RUVBL1: variants seen among roughly 807,000 people sequenced by gnomAD.
The protein encoded by RUVBL1 is RuvB like AAA ATPase 1.
In RUVBL1, 4 loss-of-function variants were observed where a neutral mutation model predicts 52.4. The observed-to-expected ratio is 0.08, with a 90% CI of 0.04 to 0.17. RUVBL1 has a LOEUF of 0.17. RUVBL1 is among the 10% of genes least tolerant of loss of function. RUVBL1 has a pLI of 1.00. For synonymous variants in RUVBL1, 217 were observed against 214.4 expected, an observed-to-expected ratio of 1.01 and a Z score of -0.10; for missense variants, 298 against 572.8, an observed-to-expected ratio of 0.52 and a Z score of 4.90.
chr3:128,092,533 T>C (rs1355106743), intron 8 of RUVBL1, among the ~76,000 whole-genome samples: 1 of 151,702 alleles, frequency 6.6e-6, no homozygotes, highest in African/African-American at 2.4e-5. Flanking sequence ...GAATAAAAAA[T>C]GGGCAAAGGA....
At chr3:128,147,553 AGAGT>A (rs953907912) in intron 1 of RUVBL1, among the ~76,000 whole-genome samples, 1 of 152,200 alleles carries the variant, frequency 6.6e-6, no homozygotes, top group African/African-American at 2.4e-5. Context: ...CCTGGATGAC[AGAGT>A]GAGACCCCAT....
At chr3:128,097,263 TTAA>T in intron 8 of RUVBL1, 34 bp downstream of exon 8, 1 of 1,591,834 alleles carries the variant, frequency 6.3e-7, no homozygotes, top group African/African-American at 1.3e-5. Context: ...CAGATGGAAG[TTAA>T]AAAAGCCTTG....
chr3:128,069,784 T>A, intron 9 of RUVBL1: 1 of 882,112 alleles, frequency 1.1e-6, no homozygotes, highest in East Asian at 2.5e-5. Flanking sequence ...TTCGTATTCT[T>A]TCATTCCACT....
At chr3:128,109,030 A>T (rs1034584078) in intron 3 of RUVBL1, among the ~76,000 whole-genome samples, 1 of 152,206 alleles carries the variant, frequency 6.6e-6, no homozygotes, top group Non-Finnish European at 1.5e-5. Context: ...AAAGATACAC[A>T]CATGGGGTGT....
rs1464558034 is a variant in RUVBL1 at position 128,106,425 on chromosome 3, C to G, written c.362-1501G>C. Among the ~76,000 whole-genome samples, 3 of 152,116 alleles carry G rather than the reference C, an allele frequency of 2.0e-5. No homozygotes were observed. In the South Asian group the frequency reaches 6.2e-4, roughly 32 times the overall value. Reference sequence around the variant, plus strand: ...CCTGAACCACTCTTTTTAGCTTAGGCAACTCCTCCTAGCAGACTCAGTTTA... The same window carrying G: ...CCTGAACCACTCTTTTTAGCTTAGGGAACTCCTCCTAGCAGACTCAGTTTA... On this transcript the variant is annotated intron_variant, in intron 3 of 10. Transcript: ENST00000322623.
At chr3:128,094,211 A>G (rs1942917805) in intron 8 of RUVBL1, among the ~76,000 whole-genome samples, 1 of 152,202 alleles carries the variant, frequency 6.6e-6, no homozygotes, top group African/African-American at 2.4e-5. Context: ...CGTGACTCCA[A>G]TGCCTGTAAT....
intron 1 of RUVBL1, chr3:128,153,174 A>C: frequency 8.3e-7 from 1 of 1,209,450 alleles, no homozygotes; most frequent in Non-Finnish European, 1.0e-6. Context: ...CTTGATAGCT[A>C]TAGAAAAGTT....
At chr3:128,151,111 G>A (rs186492460) in intron 1 of RUVBL1, among the ~76,000 whole-genome samples, 2 of 106,508 alleles carry the variant, frequency 1.9e-5, no homozygotes, top group Admixed American at 1.2e-4. Flanking sequence ...TATATATTCT[G>A]TATATATTCT....
intron 1 of RUVBL1, among the ~76,000 whole-genome samples, chr3:128,140,186 T>A (rs576873598): frequency 4.9e-5 from 7 of 142,778 alleles, no homozygotes; most frequent in African/African-American, 1.4e-4. Flanking sequence ...AAAAAATTTT[T>A]AAAAACTTCC....
At chr3:128,153,211 T>G in exon 1 of RUVBL1, 2 of 1,312,380 alleles carry the variant, frequency 1.5e-6, no homozygotes, top group Non-Finnish European at 1.9e-6. Flanking sequence ...ACCCAGAAAG[T>G]CCAAATGGCT....
At chr3:128,086,114 AG>A (rs1423279535) in intron 9 of RUVBL1, among the ~76,000 whole-genome samples, 1 of 152,098 alleles carries the variant, frequency 6.6e-6, no homozygotes, top group Non-Finnish European at 1.5e-5. Flanking sequence ...CTCTCACCTC[AG>A]CCTCCCAAGT....
chr3:128,109,999 T>A (rs1159456148), intron 3 of RUVBL1, among the ~76,000 whole-genome samples: 1 of 152,012 alleles, frequency 6.6e-6, no homozygotes, highest in African/African-American at 2.4e-5. Context: ...GTATTTTTAG[T>A]AGAGACGGGG....
Position 128,112,900 on chromosome 3 carries a change from G to A in RUVBL1, c.349C>T (p.Arg117Cys). The change falls in exon 3 of 11, where the codon CGC becomes TGC. Residue 117 changes from arginine (R) to cysteine (C), a missense_variant. Coordinates refer to ENST00000322623, the MANE Select transcript of RUVBL1 (RefSeq NM_003707.3). ...TGACACTACTTACCAATGGCCCTGC[G>A]GAAGTTCTCCATCAGCACCTCTGTC... ...KKTEVLMENF[R>C]RAIGLRIKET... The A allele has an allele frequency of 6.2e-7, 1 of 1,613,738 alleles. No homozygotes were observed. The highest frequency in any genetic ancestry group is 8.5e-7 in the Non-Finnish European group (1 of 1,179,908).
intron 2 of RUVBL1, among the ~76,000 whole-genome samples, chr3:128,116,821 G>A (rs918614379): frequency 1.3e-5 from 2 of 152,104 alleles, no homozygotes; most frequent in African/African-American, 2.4e-5. Context: ...TTCTTTAAAG[G>A]TTCTCCTTTC....
At chr3:128,119,498 G>T in intron 1 of RUVBL1, 84 bp from the exon 2 acceptor site, 1 of 1,082,352 alleles carries the variant, frequency 9.2e-7, no homozygotes, top group Non-Finnish European at 1.4e-6. Flanking sequence ...GCCTACACAA[G>T]TCACACACTC....
chr3:128,115,647 A>T (rs1332858629), intron 2 of RUVBL1, among the ~76,000 whole-genome samples: 2 of 152,260 alleles, frequency 1.3e-5, no homozygotes, highest in Non-Finnish European at 2.9e-5. Context: ...ATCACCAAAA[A>T]AAATGAAAGA....
At chr3:128,149,342 G>T (rs1375136490) in intron 1 of RUVBL1, among the ~76,000 whole-genome samples, 1 of 151,896 alleles carries the variant, frequency 6.6e-6, no homozygotes, top group East Asian at 1.9e-4. Context: ...GCACCACCAT[G>T]CCTGGCTAAT....
At chr3:128,076,889 C>T (rs1942345212), downstream of RUVBL1, among the ~76,000 whole-genome samples, 1 of 152,170 alleles carries the variant, frequency 6.6e-6, no homozygotes, top group Non-Finnish European at 1.5e-5. The surrounding 1 kb of genome is among the most constrained non-coding windows in gnomAD (Gnocchi z 6.8). Flanking sequence ...TCCGCATGCC[C>T]GCGCCCTCCC....
chr3:128,105,734 G>A (rs1382097635), intron 3 of RUVBL1, among the ~76,000 whole-genome samples: 1 of 152,120 alleles, frequency 6.6e-6, no homozygotes, highest in Non-Finnish European at 1.5e-5. Flanking sequence ...AACAGTGGGT[G>A]ACACTCAAAA....
Sources: allele counts gnomAD v4.1 joint callset (sites outside exome capture counted in the v4.1 genomes callset), GRCh38; gene constraint gnomAD v4.1.1; non-coding constraint Gnocchi (gnomAD v3.1); transcripts MANE v1.5; gene names NCBI Gene and HGNC (gene_info 2026-07-23, HGNC 2026-07-21).